KALRN: variants seen among roughly 807,000 people sequenced by gnomAD.
KALRN encodes the protein kalirin RhoGEF kinase.
A neutral mutation model predicts 353.7 loss-of-function variants in KALRN; 70 were observed. The ratio of observed to expected loss-of-function variants is 0.20; its 90% CI spans 0.16 to 0.24. The LOEUF (loss-of-function observed/expected upper bound fraction) is 0.24, where lower values mean the gene tolerates loss of function less well. Ranked by LOEUF, KALRN falls within the 10% of genes least tolerant of loss-of-function variation. KALRN has a pLI of 1.00. For missense variants in KALRN, 2,791 were observed against 3,756.7 expected (o/e 0.74, Z 6.72); for synonymous variants, 1,391 against 1,434.8 (o/e 0.97, Z 0.69).
chr3:124,544,719 A>G (rs1413809820), intron 33 of KALRN, among the ~76,000 whole-genome samples: 1 of 152,126 alleles, frequency 6.6e-6, no homozygotes, highest in Non-Finnish European at 1.5e-5. Flanking sequence ...TACAAACTCC[A>G]TGAGGGCAAA....
In KALRN at chr3:124,699,858, CTG is replaced by C; in HGVS notation, c.7832-9_7832-8del. The C allele has an allele frequency of 1.2e-6, 2 of 1,613,892 alleles. No homozygotes were observed. The highest frequency in any genetic ancestry group is 1.6e-4 in the Middle Eastern group (1 of 6,062). ...TTTTCTCTTTCCCTCTCCTGGGAAACTGTACACTAGGTTCTCAGATCTGGCAG... is the reference window on the plus strand; with the variant it reads ...TTTTCTCTTTCCCTCTCCTGGGAAACTACACTAGGTTCTCAGATCTGGCAG... On this transcript the variant is annotated splice_polypyrimidine_tract_variant and intron_variant, in intron 55 of 59. Transcript: ENST00000682506.
chr3:124,286,578 T>C (rs1365597426), intron 5 of KALRN, among the ~76,000 whole-genome samples: 1 of 152,188 alleles, frequency 6.6e-6, no homozygotes, highest in Admixed American at 6.5e-5. Flanking sequence ...TTGATTTGTT[T>C]TCAAGTTCAT....
At chr3:124,519,934 A>G in intron 33 of KALRN, 1 of 954,152 alleles carries the variant, frequency 1.0e-6, no homozygotes, top group Non-Finnish European at 1.2e-6. Flanking sequence ...TTCCCATCCC[A>G]CTTTCCAGAA....
chr3:124,170,439 G>A (rs1012885759), intron 1 of KALRN, among the ~76,000 whole-genome samples: 18 of 152,148 alleles, frequency 1.2e-4, no homozygotes, highest in Admixed American at 5.2e-4. Context: ...CTTATCCAGC[G>A]TCACATGGCT....
Position 124,610,256 on chromosome 3 carries a change from A to G in KALRN, c.5183-22164A>G, listed in dbSNP as rs553794106. ...AGAAATTTGAAATTCAGTCATGCCAACAGATGAGGAGGTGACTGAAAAGAT... is the reference window on the plus strand; with the variant it reads ...AGAAATTTGAAATTCAGTCATGCCAGCAGATGAGGAGGTGACTGAAAAGAT... On this transcript the variant is annotated intron_variant, in intron 34 of 59. Coordinates refer to ENST00000682506, the MANE Select transcript of KALRN (RefSeq NM_001388419.1). Among the ~76,000 whole-genome samples, 11 of 152,348 alleles carry G rather than the reference A, an allele frequency of 7.2e-5. No homozygotes were observed. In the East Asian group the frequency reaches 1.9e-3, roughly 27 times the overall value.
chr3:124,135,388 G>A (rs1000755877), intron 1 of KALRN, among the ~76,000 whole-genome samples: 5 of 152,116 alleles, frequency 3.3e-5, no homozygotes, highest in Non-Finnish European at 7.4e-5. Context: ...AAGAGTGGGA[G>A]GGGGGCAAGG....
At chr3:124,075,462 A>G (rs1240862496) in intron 1 of KALRN, among the ~76,000 whole-genome samples, 2 of 152,174 alleles carry the variant, frequency 1.3e-5, no homozygotes, top group Admixed American at 6.5e-5. Context: ...ATTTGGCCCC[A>G]TTGGAACAAA....
chr3:124,640,920 A>G (rs1340670190), intron 37 of KALRN, among the ~76,000 whole-genome samples: 1 of 152,192 alleles, frequency 6.6e-6, no homozygotes, highest in African/African-American at 2.4e-5. Flanking sequence ...TCCATCTTAC[A>G]GGAGCATCTG....
chr3:124,606,054 AT>A (rs36116264), intron 34 of KALRN, among the ~76,000 whole-genome samples: 90,667 of 151,950 alleles, frequency 0.6, 27,264 homozygotes, highest in East Asian at 0.83. Flanking sequence ...ACTTTCTCTG[AT>A]TTATCCCCAT....
chr3:124,710,204 G>A (rs2062823021), intron 57 of KALRN, among the ~76,000 whole-genome samples: 1 of 152,210 alleles, frequency 6.6e-6, no homozygotes, highest in African/African-American at 2.4e-5. Context: ...AAAAGGAAAA[G>A]TATTCATAGT....
chr3:124,614,578 T>TC (rs397773143), intron 34 of KALRN, among the ~76,000 whole-genome samples: 4 of 150,674 alleles, frequency 2.7e-5, no homozygotes, highest in African/African-American at 7.4e-5. Flanking sequence ...TTTTTTTTTT[T>TC]CAGAGACAGG....
chr3:124,393,095 A>T (rs1277634243), intron 11 of KALRN, among the ~76,000 whole-genome samples: 5 of 152,092 alleles, frequency 3.3e-5, no homozygotes, highest in African/African-American at 4.8e-5. Flanking sequence ...CTTCCTGAAT[A>T]GCTGGGGTTA....
chr3:124,060,766 A>C (rs940270829), intron 1 of KALRN, among the ~76,000 whole-genome samples: 11 of 152,248 alleles, frequency 7.2e-5, no homozygotes, highest in Non-Finnish European at 1.6e-4. Context: ...TGGTGCTGCC[A>C]ACTCAAGGGA....
chr3:124,296,552 C>T (rs1459813498), intron 5 of KALRN, among the ~76,000 whole-genome samples: 2 of 152,156 alleles, frequency 1.3e-5, no homozygotes, highest in African/African-American at 4.8e-5. Flanking sequence ...CCTTCCAGTC[C>T]ACATCCCTCA....
chr3:124,694,592 G>GT (rs1344032075), intron 53 of KALRN, 89 bp downstream of exon 53: 1 of 1,289,256 alleles, frequency 7.8e-7, no homozygotes, highest in Non-Finnish European at 1.1e-6. Flanking sequence ...TTCTGCTCTG[G>GT]TGACTGGGCT....
chr3:124,660,856 T>A (rs1291745841), intron 43 of KALRN, 67 bp from the exon 44 acceptor site: 2 of 1,124,770 alleles, frequency 1.8e-6, no homozygotes, highest in African/African-American at 3.1e-5. Context: ...TTATGATAAG[T>A]TTTTTCCCAG....
At position 124,396,566 on chromosome 3, in the gene KALRN, G is replaced by A. The variant is rs571030852; in HGVS notation, c.2171+1223G>A. 6.6e-5 allele frequency among the ~76,000 whole-genome samples: 10 copies of A among 152,346 alleles called. No homozygotes were observed. The East Asian group carries it at 1.7e-3, about 26-fold the overall frequency. On this transcript the variant is annotated intron_variant, in intron 12 of 59. Transcript: ENST00000682506. ...TCTCTGGGCCTCAGCTGCTTCGTCT[G>A]TGTAATTAAGGGGTTCACTCTAGGA...
chr3:124,590,244 G>A lies in KALRN; in HGVS notation c.5182+27155G>A, dbSNP rs1178026123. Among the ~76,000 whole-genome samples the A allele has an allele frequency of 2.0e-5, 3 of 152,142 alleles. No individual in the cohort carries two copies. In the East Asian group the frequency reaches 5.8e-4, roughly 29 times the overall value. On this transcript the variant is annotated intron_variant, in intron 34 of 59. Coordinates refer to ENST00000682506, the MANE Select transcript of KALRN (RefSeq NM_001388419.1). ...AGTACTGACTGCCAGTCAAACCACA[G>A]CATGGTAGAAATGGGGGTGTATGAA...
At chr3:124,635,542 G>T (rs1040303357) in intron 36 of KALRN, among the ~76,000 whole-genome samples, 1 of 152,116 alleles carries the variant, frequency 6.6e-6, no homozygotes, top group Admixed American at 6.5e-5. Context: ...TTTGATTTCT[G>T]TATGTTTTTT....
Sources: allele counts gnomAD v4.1 joint callset (sites outside exome capture counted in the v4.1 genomes callset), GRCh38; gene constraint gnomAD v4.1.1; transcripts MANE v1.5; gene names NCBI Gene and HGNC (gene_info 2026-07-23, HGNC 2026-07-21).